The following KIAA0930 variants were observed in gnomAD, a reference collection of about 807,000 sequenced individuals.
KIAA0930 encodes the protein KIAA0930.
A neutral mutation model predicts 43.9 loss-of-function variants in KIAA0930; 24 were observed. The observed-to-expected ratio is 0.55, with a 90% CI of 0.40 to 0.77. The LOEUF is 0.77. KIAA0930 is among the 30% of genes least tolerant of loss of function. The pLI, the probability that KIAA0930 is intolerant of heterozygous loss-of-function variation, is 0.00. For missense variants in KIAA0930, 461 were observed against 574.2 expected (o/e 0.80, Z 2.02); for synonymous variants, 259 against 216.4 (o/e 1.20, Z -1.73).
rs147962181 is a variant in KIAA0930 at position 45,193,447 on chromosome 22, T to C, written c.*3729A>G. 2 of 152,350 alleles carry C rather than the reference T, an allele frequency of 1.3e-5. No homozygotes were observed. Among genetic ancestry groups the C allele is most frequent in the Non-Finnish European group, 2.9e-5 (2 of 68,028 alleles). 9.4% of individuals were successfully genotyped at this position (152,350 alleles called of 1,614,324 possible). On this transcript the variant is annotated 3_prime_UTR_variant, in exon 10 of 10. Transcript: ENST00000336156. ...TTAATGAAAAAAAAAAGTTTTACTT[T>C]GTTCTTCAAAAGTCTTCTACTAACT... is the stretch of plus-strand genomic sequence containing the variant.
At chr22:45,223,458 G>T (rs2083779411) in intron 1 of KIAA0930, among the ~76,000 whole-genome samples, 1 of 152,194 alleles carries the variant, frequency 6.6e-6, no homozygotes, top group Non-Finnish European at 1.5e-5. Context: ...CCTGGTGCCT[G>T]TTTCCTGACT....
chr22:45,197,851 T>C lies in KIAA0930; in HGVS notation c.1113A>G (p.Gly371=), dbSNP rs1408029510. Reference sequence around the variant, plus strand: ...TTAAGTGTGCATAGAGAAGGAAGTTTCCATCTGCTCTGTTCAGCTTCAGCC... The same window carrying C: ...TTAAGTGTGCATAGAGAAGGAAGTTCCCATCTGCTCTGTTCAGCTTCAGCC... ...GSWLKLNRAD[G]NFLLYAHLTY... is the part of the protein sequence containing the mutation. Residue 371 remains glycine (G), a synonymous_variant, in exon 9 of 10, where the codon GGA becomes GGG. Coordinates refer to ENST00000336156, the MANE Select transcript of KIAA0930 (RefSeq NM_001009880.2). 6.2e-7 allele frequency: 1 copy of C among 1,614,070 alleles called. No individual in the cohort carries two copies. Among genetic ancestry groups the C allele is most frequent in the Non-Finnish European group, 8.5e-7 (1 of 1,180,016 alleles).
At chr22:45,235,936 C>A (rs6006954) in intron 1 of KIAA0930, among the ~76,000 whole-genome samples, 7 of 152,202 alleles carry the variant, frequency 4.6e-5, no homozygotes, top group Admixed American at 2.6e-4. Context: ...AAAGTGATGG[C>A]GGGTTGGGGG....
At chr22:45,219,316 G>A (rs2083752879) in intron 1 of KIAA0930, among the ~76,000 whole-genome samples, 1 of 152,186 alleles carries the variant, frequency 6.6e-6, no homozygotes. Flanking sequence ...AACTGCCACT[G>A]TGGTTACTAT....
chr22:45,220,191 G>T (rs370120070), intron 1 of KIAA0930, among the ~76,000 whole-genome samples: 1 of 152,186 alleles, frequency 6.6e-6, no homozygotes. Context: ...AGAGGCTCAC[G>T]TCTGTAATCC....
chr22:45,210,032 T>C (rs1427190467), intron 2 of KIAA0930, among the ~76,000 whole-genome samples: 2 of 152,140 alleles, frequency 1.3e-5, no homozygotes, highest in Non-Finnish European at 2.9e-5. Context: ...CCCCGGCCTA[T>C]CCAGGGTGCA....
intron 1 of KIAA0930, among the ~76,000 whole-genome samples, chr22:45,235,768 G>C (rs1047144869): frequency 6.6e-6 from 1 of 152,198 alleles, no homozygotes; most frequent in East Asian, 1.9e-4. Flanking sequence ...CAATCCCTAA[G>C]TCCCTAGAGA....
At chr22:45,231,620 A>G (rs2083854124) in intron 1 of KIAA0930, among the ~76,000 whole-genome samples, 1 of 152,010 alleles carries the variant, frequency 6.6e-6, no homozygotes. Context: ...AATATATATG[A>G]CCTCCACAAA....
chr22:45,198,563 A>C (rs2083557822), intron 8 of KIAA0930, among the ~76,000 whole-genome samples: 1 of 152,224 alleles, frequency 6.6e-6, no homozygotes, highest in Non-Finnish European at 1.5e-5. Flanking sequence ...GTCAGGACAA[A>C]GACTGCCACC....
intron 2 of KIAA0930, among the ~76,000 whole-genome samples, chr22:45,210,040 G>A (rs1477479691): frequency 6.6e-6 from 1 of 152,132 alleles, no homozygotes; most frequent in Non-Finnish European, 1.5e-5. Flanking sequence ...TATCCAGGGT[G>A]CACACAACCC....
chr22:45,231,252 C>T (rs1029534750), intron 1 of KIAA0930, among the ~76,000 whole-genome samples: 1 of 149,778 alleles, frequency 6.7e-6, no homozygotes, highest in Non-Finnish European at 1.5e-5. Flanking sequence ...AAAGAAAATA[C>T]ACAGGTTGAG....
chr22:45,214,176 CAACA>C (rs528070309), intron 1 of KIAA0930, among the ~76,000 whole-genome samples: 19 of 152,118 alleles, frequency 1.2e-4, no homozygotes, highest in East Asian at 3.9e-4. Flanking sequence ...GACTCTGTCT[CAACA>C]AACAAACAAA....
intron 5 of KIAA0930, among the ~76,000 whole-genome samples, chr22:45,205,011 A>G (rs377121704): frequency 1.4e-3 from 214 of 152,248 alleles, no homozygotes; most frequent in African/African-American, 5.0e-3. Flanking sequence ...GATTTTACAG[A>G]GGAGGAAACG....
At chr22:45,204,541 G>A (rs2083618499) in intron 5 of KIAA0930, among the ~76,000 whole-genome samples, 1 of 152,162 alleles carries the variant, frequency 6.6e-6, no homozygotes, top group East Asian at 1.9e-4. Flanking sequence ...CTGGGGAGGG[G>A]ACATGACCTC....
intron 1 of KIAA0930, 61 bp from the exon 2 acceptor site, chr22:45,212,168 C>T: frequency 6.2e-7 from 1 of 1,613,632 alleles, no homozygotes; most frequent in African/African-American, 1.3e-5. Flanking sequence ...TGCAGCATGG[C>T]CTTGGCCAAG....
chr22:45,224,754 G>A (rs964094675), intron 1 of KIAA0930, among the ~76,000 whole-genome samples: 1 of 152,146 alleles, frequency 6.6e-6, no homozygotes, highest in African/African-American at 2.4e-5. Flanking sequence ...AAGGTGGACG[G>A]CATTCAACGC....
At chr22:45,238,665 G>T (rs1024260658) in intron 1 of KIAA0930, among the ~76,000 whole-genome samples, 1 of 152,178 alleles carries the variant, frequency 6.6e-6, no homozygotes. Context: ...AGCCCTGCAG[G>T]GACTGAGTTC....
At position 45,196,193 on chromosome 22, in the gene KIAA0930, C is replaced by G. The variant is rs1414861733; in HGVS notation, c.*983G>C. 1 of 152,224 alleles carries G rather than the reference C, an allele frequency of 6.6e-6. No homozygotes were observed. Among genetic ancestry groups the G allele is most frequent in the Non-Finnish European group, 1.5e-5 (1 of 68,070 alleles). The allele number at this position is 152,224 out of a possible 1,614,324, so 9.4% of individuals were successfully genotyped here. On this transcript the variant is annotated 3_prime_UTR_variant, in exon 10 of 10. Coordinates refer to ENST00000336156, the MANE Select transcript of KIAA0930 (RefSeq NM_001009880.2). The surrounding 1 kb of genome is among the most constrained non-coding windows in gnomAD (Gnocchi z 4.1). Reference sequence around the variant, plus strand: ...TGCTCACACGAACCAATGGGGGTGCCCATGTGAGCCTCTGAGCAACTCCTC... The same window carrying G: ...TGCTCACACGAACCAATGGGGGTGCGCATGTGAGCCTCTGAGCAACTCCTC...
intron 1 of KIAA0930, among the ~76,000 whole-genome samples, chr22:45,238,543 G>A (rs533170769): frequency 9.8e-5 from 15 of 152,306 alleles, no homozygotes; most frequent in African/African-American, 2.6e-4. Context: ...AAGAGTTCCC[G>A]GAGAGGCAAC....
Sources: allele counts gnomAD v4.1 joint callset (sites outside exome capture counted in the v4.1 genomes callset), GRCh38; gene constraint gnomAD v4.1.1; non-coding constraint Gnocchi (gnomAD v3.1); transcripts MANE v1.5; gene names NCBI Gene and HGNC (gene_info 2026-07-23, HGNC 2026-07-21).